Variants in ITGBL1 observed in about 807,000 individuals in gnomAD.
The protein encoded by ITGBL1 is integrin beta-like protein 1.
ITGBL1 carries 51 observed loss-of-function variants against 68.5 expected under a neutral mutation model. The observed-to-expected ratio is 0.74, with a 90% CI of 0.59 to 0.94. The LOEUF (loss-of-function observed/expected upper bound fraction) is 0.94. Among genes scored for constraint, ITGBL1 ranks in the 40% least tolerant of loss-of-function variants. The pLI is 0.00. For synonymous variants in ITGBL1, 209 were observed against 227.3 expected (o/e 0.92, Z 0.72); for missense variants, 649 against 647.4 (o/e 1.00, Z -0.03).
At chr13:101,508,816 T>C (rs1461304095) in intron 2 of ITGBL1, among the ~76,000 whole-genome samples, 2 of 152,178 alleles carry the variant, frequency 1.3e-5, no homozygotes, top group Admixed American at 1.3e-4. Context: ...ATGTTTTCAA[T>C]ATTTCAACTC....
At chr13:101,606,062 T>G (rs760201910) in intron 7 of ITGBL1, among the ~76,000 whole-genome samples, 1 of 139,522 alleles carries the variant, frequency 7.2e-6, no homozygotes, top group African/African-American at 2.7e-5. Flanking sequence ...TCCTTGTATA[T>G]ATATGTGATA....
At chr13:101,580,383 C>T (rs2050435247) in intron 5 of ITGBL1, among the ~76,000 whole-genome samples, 2 of 151,982 alleles carry the variant, frequency 1.3e-5, no homozygotes, top group Non-Finnish European at 2.9e-5. Context: ...TGAAGTCTTC[C>T]TTTGTGGGGA....
chr13:101,571,627 A>G (rs1233047584), intron 3 of ITGBL1, among the ~76,000 whole-genome samples: 5 of 152,070 alleles, frequency 3.3e-5, no homozygotes, highest in African/African-American at 1.2e-4. Context: ...CCCTCACCTT[A>G]TAGATAACCA....
chr13:101,592,223 AC>A (rs2050667046), intron 6 of ITGBL1, among the ~76,000 whole-genome samples: 1 of 152,114 alleles, frequency 6.6e-6, no homozygotes. Flanking sequence ...TCTTTGGAAT[AC>A]ACTAGGCTAA....
intron 2 of ITGBL1, among the ~76,000 whole-genome samples, chr13:101,470,553 A>T (rs2048443308): frequency 6.6e-6 from 1 of 152,132 alleles, no homozygotes; most frequent in Admixed American, 6.5e-5. Context: ...TGTGCATCTC[A>T]ACATTTACCC....
intron 7 of ITGBL1, among the ~76,000 whole-genome samples, chr13:101,614,590 C>G (rs559376857): frequency 3.3e-5 from 5 of 152,300 alleles, no homozygotes; most frequent in African/African-American, 1.2e-4. Context: ...CCCAGCCCAG[C>G]CTTCCTGCTT....
At chr13:101,719,170 G>A (rs75865484), downstream of ITGBL1, 293 of 152,214 alleles carry the variant, frequency 1.9e-3, 2 homozygotes, top group African/African-American at 6.6e-3. Flanking sequence ...GAAGTGATAC[G>A]TGTCTAACTT....
intron 7 of ITGBL1, among the ~76,000 whole-genome samples, chr13:101,646,833 G>C (rs2032575118): frequency 6.6e-6 from 1 of 152,118 alleles, no homozygotes; most frequent in African/African-American, 2.4e-5. Flanking sequence ...TGTTACTGAT[G>C]TCATATGTAA....
chr13:101,683,650 G>A (rs768220977), intron 7 of ITGBL1, among the ~76,000 whole-genome samples: 8 of 151,776 alleles, frequency 5.3e-5, no homozygotes, highest in Non-Finnish European at 7.4e-5. Flanking sequence ...AATGCCAAAC[G>A]GTCCCCAGAA....
chr13:101,508,107 C>T (rs1006935613), intron 2 of ITGBL1, among the ~76,000 whole-genome samples: 1 of 152,112 alleles, frequency 6.6e-6, no homozygotes, highest in African/African-American at 2.4e-5. Context: ...TACCTTATTA[C>T]CCAGTTTATT....
chr13:101,535,692 CAAT>C (rs1053267764), intron 2 of ITGBL1, among the ~76,000 whole-genome samples: 17 of 152,054 alleles, frequency 1.1e-4, no homozygotes, highest in Admixed American at 3.9e-4. Flanking sequence ...CAAACAACAA[CAAT>C]GACAATAACA....
At chr13:101,484,253 C>T (rs1405233462) in intron 2 of ITGBL1, among the ~76,000 whole-genome samples, 1 of 152,058 alleles carries the variant, frequency 6.6e-6, no homozygotes, top group Non-Finnish European at 1.5e-5. Flanking sequence ...ATTTACTTCT[C>T]TAATACCCTA....
At chr13:101,718,594 A>G (rs1013672599), downstream of ITGBL1, 1 of 152,034 alleles carries the variant, frequency 6.6e-6, no homozygotes, top group Non-Finnish European at 1.5e-5. Context: ...TTCCACCCAG[A>G]GACTTTTTCA....
intron 7 of ITGBL1, among the ~76,000 whole-genome samples, chr13:101,683,280 T>G (rs1329638334): frequency 6.6e-6 from 1 of 152,034 alleles, no homozygotes; most frequent in Non-Finnish European, 1.5e-5. Context: ...AGATATATAT[T>G]CCCAAACAGT....
chr13:101,572,496 A>G (rs1472648931), intron 3 of ITGBL1, among the ~76,000 whole-genome samples: 1 of 152,072 alleles, frequency 6.6e-6, no homozygotes, highest in African/African-American at 2.4e-5. Flanking sequence ...ATTGGGCACT[A>G]TGAAAAATGA....
At chr13:101,568,514 G>A (rs9554806) in intron 3 of ITGBL1, among the ~76,000 whole-genome samples, 37,856 of 151,856 alleles carry the variant, frequency 0.25, 5,424 homozygotes, top group East Asian at 0.45. Flanking sequence ...TTTCTCAACC[G>A]TGGTTGAACA....
intron 2 of ITGBL1, among the ~76,000 whole-genome samples, chr13:101,458,105 G>A (rs1156980152): frequency 2.0e-5 from 3 of 152,076 alleles, no homozygotes; most frequent in Non-Finnish European, 4.4e-5. Context: ...TAAAGATGAG[G>A]GATAGAAGGC....
rs2032516532 is a variant in ITGBL1, at chr13:101,645,110, T to C, written c.1015+46811T>C. Reference sequence around the variant, plus strand: ...GTCTTATTTTGAGGAAGTGTAAAGGTAGGCAGGTTAGGGCTGGTGTGACCA... The same window carrying C: ...GTCTTATTTTGAGGAAGTGTAAAGGCAGGCAGGTTAGGGCTGGTGTGACCA... On this transcript the variant is annotated intron_variant, in intron 7 of 10. Coordinates refer to ENST00000376180, the MANE Select transcript of ITGBL1 (RefSeq NM_004791.3). Among the ~76,000 whole-genome samples, 3 of 152,072 alleles carry C rather than the reference T, an allele frequency of 2.0e-5. No individual in the cohort carries two copies. The South Asian group carries it at 6.2e-4, about 32-fold the overall frequency.
chr13:101,632,957 C>T (rs536789258), intron 7 of ITGBL1, among the ~76,000 whole-genome samples: 10 of 152,224 alleles, frequency 6.6e-5, no homozygotes, highest in South Asian at 6.2e-4. Context: ...CATGGGGATC[C>T]GCTGGAGTTT....
Sources: allele counts gnomAD v4.1 joint callset (sites outside exome capture counted in the v4.1 genomes callset), GRCh38; gene constraint gnomAD v4.1.1; transcripts MANE v1.5; gene names NCBI Gene and HGNC (gene_info 2026-07-23, HGNC 2026-07-21).